BTBD2: variants seen among roughly 807,000 people sequenced by gnomAD.
The protein encoded by BTBD2 is BTB/POZ domain-containing protein 2.
Under a neutral mutation model 44.0 loss-of-function variants are expected in BTBD2, and 15 were observed. The observed-to-expected ratio is 0.34, with a 90% CI of 0.23 to 0.53. The LOEUF (loss-of-function observed/expected upper bound fraction) is 0.53. Ranked by LOEUF, BTBD2 falls within the 20% of genes least tolerant of loss-of-function variation. The probability of loss-of-function intolerance (pLI) is 0.95; values close to 1 mark genes in which losing one functional copy is unlikely to be tolerated. For synonymous variants in BTBD2, 443 were observed against 335.9 expected (o/e 1.32, Z -3.49); for missense variants, 657 against 746.4 (o/e 0.88, Z 1.39).
At chr19:1,987,912 C>T in intron 5 of BTBD2, 2 of 568,170 alleles carry the variant, frequency 3.5e-6, no homozygotes, top group East Asian at 3.0e-5. Flanking sequence ...GACAGATACG[C>T]TCACTCAGGG....
At position 2,004,365 on chromosome 19, in the gene BTBD2, C is replaced by CCACAAAAT. The variant is rs563610736; in HGVS notation, c.408-6910_408-6903dup. Among the ~76,000 whole-genome samples the CCACAAAAT allele has an allele frequency of 2.8e-3, 424 of 151,312 alleles. 3 individuals carry two copies. Among genetic ancestry groups the CCACAAAAT allele is most frequent in the African/African-American group, 9.7e-3 (401 of 41,234 alleles). On this transcript the variant is annotated intron_variant, in intron 1 of 8. Coordinates refer to ENST00000255608, the MANE Select transcript of BTBD2 (RefSeq NM_017797.4). Reference sequence around the variant, plus strand: ...AGTGCAATGGCATGATCTCAGCTCACCACAAAATCACAAAATCTGCCTCCC... The same window carrying CCACAAAAT: ...AGTGCAATGGCATGATCTCAGCTCACCACAAAATCACAAAATCACAAAATCTGCCTCCC...
At chr19:2,004,293 T>G (rs1386787558) in intron 1 of BTBD2, among the ~76,000 whole-genome samples, 11 of 142,352 alleles carry the variant, frequency 7.7e-5, no homozygotes, top group African/African-American at 3.1e-4. Context: ...ACAAACTTTT[T>G]TTTTTTTTTT....
At chr19:2,011,008 C>A (rs554851330) in intron 1 of BTBD2, among the ~76,000 whole-genome samples, 249 of 152,266 alleles carry the variant, frequency 1.6e-3, no homozygotes, top group African/African-American at 5.9e-3. Flanking sequence ...CCGTTTGTTC[C>A]CACAGCCCCA....
At chr19:2,007,718 C>A (rs1240075724) in intron 1 of BTBD2, among the ~76,000 whole-genome samples, 1 of 152,022 alleles carries the variant, frequency 6.6e-6, no homozygotes, top group African/African-American at 2.4e-5. Context: ...CCCAGCCACT[C>A]GGGAGGCTGA....
At chr19:2,013,566 C>A in intron 1 of BTBD2, 3 of 987,552 alleles carry the variant, frequency 3.0e-6, no homozygotes, top group Non-Finnish European at 2.4e-6. Flanking sequence ...AGTCCAGGGT[C>A]CAGAGCCTGG....
Position 1,993,033 on chromosome 19 carries a change from A to G in BTBD2, c.671T>C (p.Met224Thr). The change falls in exon 3 of 9, where the codon ATG becomes ACG. Residue 224 changes from methionine to threonine, a missense_variant. Around this residue, in one of 3 missense-constraint regions of BTBD2, gnomAD observed 449 missense variants for 510.9 expected, o/e 0.88. Transcript: ENST00000255608. Reference sequence around the variant, plus strand: ...GGCCCCGCCCACCTGCGTGAGCAGCATGAAGGCGTTGTCGGCTCGCAGGTT... The same window carrying G: ...GGCCCCGCCCACCTGCGTGAGCAGCGTGAAGGCGTTGTCGGCTCGCAGGTT... ...KKNLRADNAF[M>T]LLTQARLFDE... is the part of the protein sequence containing the mutation. 4 of 1,455,584 alleles carry G rather than the reference A, an allele frequency of 2.7e-6. No homozygotes were observed. The highest frequency in any genetic ancestry group is 1.1e-5 in the South Asian group (1 of 88,422). 90.2% of individuals were successfully genotyped at this position (1,455,584 alleles called of 1,614,324 possible).
At chr19:1,987,899 G>T in intron 5 of BTBD2, 1 of 581,110 alleles carries the variant, frequency 1.7e-6, no homozygotes, top group Non-Finnish European at 3.0e-6. Flanking sequence ...CAGACCAGAG[G>T]CCGACAGATA....
Position 1,987,663 on chromosome 19 carries a change from G to T in BTBD2, c.1018C>A (p.Arg340Ser). The T allele has an allele frequency of 6.2e-7, 1 of 1,608,618 alleles. No homozygotes were observed. Among genetic ancestry groups the T allele is most frequent in the African/African-American group, 1.3e-5 (1 of 74,966 alleles). Residue 340 changes from arginine to serine, a missense_variant, in exon 6 of 9, where the codon CGC becomes AGC. Around this residue, in one of 3 missense-constraint regions of BTBD2, gnomAD observed 449 missense variants for 510.9 expected, o/e 0.88. Coordinates refer to ENST00000255608, the MANE Select transcript of BTBD2 (RefSeq NM_017797.4). ...GPAQSGILVD[R>S]EVVSLFLHFT... ...TGCAGGAAGAGGCTGACCACCTCGC[G>T]GTCCACCAGGATGCCCGACTGTGCG... is the stretch of plus-strand genomic sequence containing the variant.
rs762340181 is a variant in BTBD2 at position 1,997,417 on chromosome 19, C to T, written c.454G>A (p.Gly152Arg). ...TCCGTGGATGTTGTGGCCATTCCCC[C>T]GTTGAACATGGCATCAAAGACGGCG... ...GSAVFDAMFN[G>R]GMATTSTEIE... Residue 152 changes from glycine (G) to arginine (R), a missense_variant, in exon 2 of 9, where the codon GGG becomes AGG. Gly to Arg is a moderately radical substitution (Grantham distance 125). Coordinates refer to ENST00000255608, the MANE Select transcript of BTBD2 (RefSeq NM_017797.4). 1.9e-6 allele frequency: 3 copies of T among 1,614,174 alleles called. No individual in the cohort carries two copies. Among genetic ancestry groups the T allele is most frequent in the South Asian group, 1.1e-5 (1 of 91,090 alleles).
intron 4 of BTBD2, 46 bp downstream of exon 4, chr19:1,990,671 C>T: frequency 1.4e-6 from 2 of 1,458,702 alleles, no homozygotes; most frequent in Admixed American, 2.2e-5. Context: ...GACCCTCCCG[C>T]CGAGGCCCCG....
chr19:2,000,005 G>A (rs2016308155), intron 1 of BTBD2, among the ~76,000 whole-genome samples: 1 of 151,712 alleles, frequency 6.6e-6, no homozygotes, highest in Admixed American at 6.6e-5. Context: ...AAAAGAAACA[G>A]AGTGGGCGGC....
intron 3 of BTBD2, chr19:1,991,924 T>C (rs1291244227): frequency 6.6e-6 from 1 of 151,886 alleles, no homozygotes; most frequent in African/African-American, 2.4e-5. Flanking sequence ...GGTTTTTTTT[T>C]TTCTTTTTTT....
intron 5 of BTBD2, chr19:1,988,563 TAAC>T (rs751818862): frequency 5.3e-5 from 8 of 152,058 alleles, no homozygotes; most frequent in African/African-American, 1.7e-4. Flanking sequence ...TAAACAATGT[TAAC>T]AATTTTTTTT....
At chr19:1,988,625 C>T (rs2016128129) in intron 5 of BTBD2, 2 of 150,878 alleles carry the variant, frequency 1.3e-5, no homozygotes, top group Admixed American at 6.6e-5. Context: ...GAGTGCAGGA[C>T]GGAGTTTCGC....
chr19:1,994,515 C>G (rs2016224993), intron 2 of BTBD2, among the ~76,000 whole-genome samples: 1 of 151,670 alleles, frequency 6.6e-6, no homozygotes, highest in African/African-American at 2.4e-5. Context: ...AATCCCAGCA[C>G]TTTGGGAGGC....
At chr19:1,995,542 A>C (rs1044918309) in intron 2 of BTBD2, among the ~76,000 whole-genome samples, 2 of 151,860 alleles carry the variant, frequency 1.3e-5, no homozygotes, top group Admixed American at 1.3e-4. Flanking sequence ...TCGGCCTCCC[A>C]AAGTGCTGGG....
At chr19:2,013,977 T>G in intron 1 of BTBD2, 3 of 134,074 alleles carry the variant, frequency 2.2e-5, no homozygotes, top group South Asian at 4.9e-4. Context: ...AGTTCAGGAG[T>G]CATAGGTTGG....
At chr19:1,987,299 C>T (rs530712148) in intron 6 of BTBD2, 46 bp from the exon 7 acceptor site, 1 of 1,601,882 alleles carries the variant, frequency 6.2e-7, no homozygotes, top group Admixed American at 1.7e-5. Context: ...CCAGGGATAG[C>T]CTAAGGTGAG....
At chr19:1,993,258 G>C in intron 2 of BTBD2, 82 bp from the exon 3 acceptor site, 2 of 1,471,444 alleles carry the variant, frequency 1.4e-6, no homozygotes, top group Non-Finnish European at 1.8e-6. Flanking sequence ...CACTCAGACC[G>C]TTAGACTCGG....
Sources: allele counts gnomAD v4.1 joint callset (sites outside exome capture counted in the v4.1 genomes callset), GRCh38; gene constraint gnomAD v4.1.1; regional missense constraint gnomAD v4.1.1; transcripts MANE v1.5; gene names NCBI Gene and HGNC (gene_info 2026-07-23, HGNC 2026-07-21).